Variants in EXOC4 observed in about 807,000 individuals in gnomAD.
The protein encoded by EXOC4 is exocyst complex component 4, also known as SEC8-like 1.
A neutral mutation model predicts 107.2 loss-of-function variants in EXOC4; 71 were observed. The observed-to-expected ratio is 0.66, with a 90% CI of 0.55 to 0.81. EXOC4 has a LOEUF of 0.81. EXOC4 is among the 30% of genes least tolerant of loss of function. The probability of loss-of-function intolerance (pLI) is 0.00; values close to 1 mark genes in which losing one functional copy is unlikely to be tolerated. For synonymous variants in EXOC4, 456 were observed against 441.2 expected (o/e 1.03, Z -0.42); for missense variants, 1,108 against 1,189.6 (o/e 0.93, Z 1.01).
intron 4 of EXOC4, among the ~76,000 whole-genome samples, chr7:133,309,814 C>T (rs1247176518): frequency 1.3e-5 from 2 of 152,076 alleles, no homozygotes; most frequent in Non-Finnish European, 2.9e-5. Flanking sequence ...GTGGTACGTG[C>T]CTGTAGTCCC....
At chr7:133,424,773 A>T (rs2150765326) in intron 7 of EXOC4, among the ~76,000 whole-genome samples, 1 of 152,146 alleles carries the variant, frequency 6.6e-6, no homozygotes, top group South Asian at 2.1e-4. Flanking sequence ...GATCAGCTTG[A>T]CTCTTGTTTC....
intron 9 of EXOC4, among the ~76,000 whole-genome samples, chr7:133,600,615 A>G (rs376007373): frequency 6.6e-6 from 1 of 152,202 alleles, no homozygotes; most frequent in Admixed American, 6.5e-5. Flanking sequence ...TTACATTTAC[A>G]TATGGGTCTC....
chr7:133,755,242 TA>T (rs1237762565), intron 10 of EXOC4, among the ~76,000 whole-genome samples: 9,601 of 111,856 alleles, frequency 0.086, 498 homozygotes, highest in African/African-American at 0.12. Flanking sequence ...ATAATATATA[TA>T]ATATATATAT....
the EXOC4 span, among the ~76,000 whole-genome samples, chr7:134,096,422 G>A: frequency 2.0e-5 from 3 of 152,266 alleles, no homozygotes; most frequent in Admixed American, 6.5e-5. Flanking sequence ...ATTAGTCAGC[G>A]TTCTTTAAAG....
At chr7:134,066,313 G>A (rs1166433361), downstream of EXOC4, 1 of 152,180 alleles carries the variant, frequency 6.6e-6, no homozygotes, top group Non-Finnish European at 1.5e-5. Flanking sequence ...GTGAGACTGA[G>A]AGTGCTCAGA....
intron 11 of EXOC4, among the ~76,000 whole-genome samples, chr7:133,818,998 G>C (rs1236336152): frequency 6.6e-6 from 1 of 152,120 alleles, no homozygotes; most frequent in African/African-American, 2.4e-5. Context: ...GAGGGTGGGT[G>C]ATTTCTTCTC....
At chr7:133,268,116 A>AT (rs1477917926) in intron 1 of EXOC4, among the ~76,000 whole-genome samples, 3 of 152,232 alleles carry the variant, frequency 2.0e-5, no homozygotes, top group South Asian at 2.1e-4. Context: ...AGTCCTAACA[A>AT]TATCCTGGCA....
At chr7:133,600,972 A>C (rs1055800465) in intron 9 of EXOC4, among the ~76,000 whole-genome samples, 1 of 152,236 alleles carries the variant, frequency 6.6e-6, no homozygotes, top group Non-Finnish European at 1.5e-5. Context: ...GTCAATGTAC[A>C]TTTGAAAGCA....
intron 5 of EXOC4, among the ~76,000 whole-genome samples, chr7:133,319,869 CA>C (rs1795074342): frequency 7.4e-6 from 1 of 134,588 alleles, no homozygotes; most frequent in Admixed American, 7.7e-5. Context: ...TGTGCGTGAC[CA>C]AAAAAGAAGG....
chr7:133,619,573 C>T (rs1025024358), intron 9 of EXOC4, among the ~76,000 whole-genome samples: 35 of 152,174 alleles, frequency 2.3e-4, no homozygotes, highest in Admixed American at 4.6e-4. Flanking sequence ...GCCAACCATA[C>T]GCTTTAGGTC....
At chr7:133,659,685 G>A (rs1237533214) in intron 10 of EXOC4, among the ~76,000 whole-genome samples, 1 of 152,070 alleles carries the variant, frequency 6.6e-6, no homozygotes, top group Non-Finnish European at 1.5e-5. Context: ...TTTTGAGCAG[G>A]CTCTTAGGTG....
intron 10 of EXOC4, among the ~76,000 whole-genome samples, chr7:133,753,838 C>T (rs770120932): frequency 1.1e-4 from 16 of 152,074 alleles, no homozygotes; most frequent in African/African-American, 3.6e-4. Context: ...GAACTTTAGA[C>T]TTTATGGGTT....
chr7:133,618,224 T>C (rs1303646602), intron 9 of EXOC4, among the ~76,000 whole-genome samples: 1 of 151,994 alleles, frequency 6.6e-6, no homozygotes, highest in Admixed American at 6.6e-5. Flanking sequence ...ATTCTAGTTA[T>C]ATATATATAT....
chr7:133,481,845 G>A (rs890898623), intron 9 of EXOC4, among the ~76,000 whole-genome samples: 5 of 152,278 alleles, frequency 3.3e-5, no homozygotes, highest in Admixed American at 1.3e-4. Context: ...AGGAGTGAAG[G>A]AGGAGGGTGA....
intron 14 of EXOC4, among the ~76,000 whole-genome samples, chr7:133,977,147 G>C (rs1339375685): frequency 6.6e-6 from 1 of 152,222 alleles, no homozygotes; most frequent in Non-Finnish European, 1.5e-5. Flanking sequence ...CAGAATAATT[G>C]AAAGCAGCTC....
chr7:133,355,149 C>G (rs536432476), intron 5 of EXOC4, among the ~76,000 whole-genome samples: 2 of 152,252 alleles, frequency 1.3e-5, no homozygotes, highest in South Asian at 4.1e-4. Context: ...GATTTCAGTA[C>G]CATTCTAGTA....
chr7:133,941,021 T>C (rs1479943220), intron 14 of EXOC4, among the ~76,000 whole-genome samples: 1 of 151,742 alleles, frequency 6.6e-6, no homozygotes, highest in Non-Finnish European at 1.5e-5. Context: ...TTCTTTCTTT[T>C]TTTCTTTTTT....
At chr7:133,476,271 T>C (rs1400785972) in intron 8 of EXOC4, among the ~76,000 whole-genome samples, 2 of 152,174 alleles carry the variant, frequency 1.3e-5, no homozygotes, top group African/African-American at 4.8e-5. Context: ...TTTTAATACT[T>C]TTGTACATAT....
chr7:133,793,228 T>C (rs1259976568), intron 10 of EXOC4, among the ~76,000 whole-genome samples: 1 of 152,126 alleles, frequency 6.6e-6, no homozygotes, highest in Non-Finnish European at 1.5e-5. Flanking sequence ...TTCTGGTGAT[T>C]TGAAGAGATA....
Sources: allele counts gnomAD v4.1 joint callset (sites outside exome capture counted in the v4.1 genomes callset), GRCh38; gene constraint gnomAD v4.1.1; transcripts MANE v1.5; gene names NCBI Gene and HGNC (gene_info 2026-07-23, HGNC 2026-07-21).